The following TIAM2 variants were observed in gnomAD, a reference collection of about 807,000 sequenced individuals.
TIAM2 encodes TIAM Rac1 associated GEF 2.
In TIAM2, 80 loss-of-function variants were observed where a neutral mutation model predicts 152.9. That is an observed-to-expected ratio of 0.52 (90% CI 0.44 to 0.63). The LOEUF is 0.63. Ranked by LOEUF, TIAM2 falls within the 30% of genes least tolerant of loss-of-function variation. The pLI, the probability that TIAM2 is intolerant of heterozygous loss-of-function variation, is 0.00. For synonymous variants in TIAM2, 804 were observed against 838.0 expected (o/e 0.96, Z 0.70); for missense variants, 1,965 against 2,120.1 (o/e 0.93, Z 1.44).
chr6:155,232,087 A>C (rs1359299248), intron 15 of TIAM2, among the ~76,000 whole-genome samples: 1 of 129,950 alleles, frequency 7.7e-6, no homozygotes, highest in Non-Finnish European at 1.6e-5. Context: ...TCTCAAAAAC[A>C]AAAACAAAAA....
intron 1 of TIAM2, among the ~76,000 whole-genome samples, chr6:155,053,054 A>T (rs537338026): frequency 1.3e-5 from 2 of 152,304 alleles, no homozygotes; most frequent in East Asian, 1.9e-4. Flanking sequence ...CTAGTATTGC[A>T]GATTCATTCC....
chr6:155,114,014 T>TTTTATATA (rs1778928901), intron 2 of TIAM2, among the ~76,000 whole-genome samples: 1 of 58,852 alleles, frequency 1.7e-5, no homozygotes, highest in Non-Finnish European at 3.0e-5. Flanking sequence ...ATACTTTACT[T>TTTTATATA]TATATATATA....
intron 1 of TIAM2, among the ~76,000 whole-genome samples, chr6:155,081,042 C>T (rs1317818803): frequency 6.6e-6 from 1 of 152,132 alleles, no homozygotes; most frequent in Non-Finnish European, 1.5e-5. Flanking sequence ...GGGGGCCAGT[C>T]AGGAAATATT....
chr6:155,113,861 G>C (rs962550438), intron 2 of TIAM2, among the ~76,000 whole-genome samples: 2 of 151,684 alleles, frequency 1.3e-5, no homozygotes, highest in Admixed American at 1.3e-4. Context: ...GTCTAGCAAA[G>C]AGTTGTTATT....
At chr6:155,068,997 C>T (rs911950615) in intron 1 of TIAM2, among the ~76,000 whole-genome samples, 9 of 152,186 alleles carry the variant, frequency 5.9e-5, no homozygotes, top group African/African-American at 1.9e-4. Context: ...CAGCTCACTG[C>T]AGCCTTGACC....
chr6:155,159,452 A>AGG (rs1780208202), intron 7 of TIAM2, among the ~76,000 whole-genome samples: 1 of 152,196 alleles, frequency 6.6e-6, no homozygotes, highest in Non-Finnish European at 1.5e-5. Context: ...TTCACATCAG[A>AGG]ATCGGCTTTG....
At chr6:155,205,563 T>TC (rs900092643) in intron 14 of TIAM2, among the ~76,000 whole-genome samples, 2 of 152,180 alleles carry the variant, frequency 1.3e-5, no homozygotes, top group African/African-American at 4.8e-5. Flanking sequence ...CAAAGAACTT[T>TC]CTTGCCTAGT....
In TIAM2 at chr6:155,256,994, ACAGT is replaced by A. The variant is rs751743104; in HGVS notation, c.4985_4988del (p.Gln1662LeufsTer8). ...GCGCAGATCCGTCACCAGTCCCTTG[ACAGT>A]CAGTCTGAAAATGCCACCATCGACC... On this transcript the variant is annotated frameshift_variant, in exon 27 of 27. Transcript: ENST00000682666. LOFTEE classifies it high-confidence loss of function. 4.3e-6 allele frequency: 7 copies of A among 1,614,104 alleles called. No individual in the cohort carries two copies. Among genetic ancestry groups the A allele is most frequent in the African/African-American group, 2.7e-5 (2 of 74,928 alleles).
chr6:155,240,733 G>T (rs1398223574), intron 16 of TIAM2, 24 bp downstream of exon 16: 7 of 1,595,872 alleles, frequency 4.4e-6, no homozygotes, highest in Middle Eastern at 3.3e-4. Flanking sequence ...TGGCATTTAT[G>T]CATTCGTGCC....
intron 14 of TIAM2, among the ~76,000 whole-genome samples, chr6:155,191,006 G>A (rs1490894196): frequency 1.3e-5 from 2 of 152,190 alleles, no homozygotes; most frequent in African/African-American, 2.4e-5. Context: ...CATTGGGAAG[G>A]ACCAAGTATG....
At position 155,072,794 on chromosome 6, in the gene TIAM2, G is replaced by A. The variant is rs80233108; in HGVS notation, c.-208-17495G>A. ...ACAAATGCTGGCCAGCCCAGGAGGT[G>A]GGCACAGAGGGAGGAGTTCAGGAAG... On this transcript the variant is annotated intron_variant, in intron 1 of 26. Transcript: ENST00000682666. 3.2e-3 allele frequency among the ~76,000 whole-genome samples: 492 copies of A among 152,206 alleles called. 2 individuals carry two copies. Among genetic ancestry groups the A allele is most frequent in the African/African-American group, 0.011 (464 of 41,536 alleles).
At chr6:155,227,316 C>T (rs1449635661) in intron 15 of TIAM2, among the ~76,000 whole-genome samples, 4 of 152,212 alleles carry the variant, frequency 2.6e-5, no homozygotes, top group Non-Finnish European at 4.4e-5. Flanking sequence ...TCTGCGGAGA[C>T]TTAGCCCATG....
intron 2 of TIAM2, among the ~76,000 whole-genome samples, chr6:155,097,701 T>G (rs1778448184): frequency 6.6e-6 from 1 of 152,214 alleles, no homozygotes; most frequent in African/African-American, 2.4e-5. Context: ...ATGCCTGTGC[T>G]TTTGAGGTCT....
At chr6:155,185,634 A>G (rs1392556468) in intron 14 of TIAM2, among the ~76,000 whole-genome samples, 2 of 152,010 alleles carry the variant, frequency 1.3e-5, no homozygotes, top group African/African-American at 2.4e-5. Context: ...CTAATCCTTT[A>G]CAACCAATGT....
chr6:155,017,806 C>T (rs1778623155), intron 1 of TIAM2, among the ~76,000 whole-genome samples: 1 of 152,134 alleles, frequency 6.6e-6, no homozygotes, highest in Non-Finnish European at 1.5e-5. Context: ...CCTGACTCTC[C>T]CTTTTGTCTT....
chr6:155,191,060 T>C (rs1156915420), intron 14 of TIAM2, among the ~76,000 whole-genome samples: 1 of 152,350 alleles, frequency 6.6e-6, no homozygotes. Flanking sequence ...AACTGTATTG[T>C]GACACTATCT....
At chr6:155,180,506 CTAA>C (rs550019418) in intron 12 of TIAM2, among the ~76,000 whole-genome samples, 89 of 152,230 alleles carry the variant, frequency 5.8e-4, no homozygotes, top group Non-Finnish European at 1.1e-3. Context: ...ATGATTCAAA[CTAA>C]TAATAAAGTT....
intron 1 of TIAM2, among the ~76,000 whole-genome samples, chr6:155,025,063 G>A (rs537823398): frequency 6.6e-6 from 1 of 152,272 alleles, no homozygotes; most frequent in Non-Finnish European, 1.5e-5. Context: ...GTCTGGCTCT[G>A]TCACCCAGGC....
chr6:155,127,402 A>C (rs374506519), intron 2 of TIAM2, 88 bp from the exon 3 acceptor site: 1 of 355,328 alleles, frequency 2.8e-6, no homozygotes. Flanking sequence ...TTGTTTCTTC[A>C]TATAATTTGC....
Sources: allele counts gnomAD v4.1 joint callset (sites outside exome capture counted in the v4.1 genomes callset), GRCh38; gene constraint gnomAD v4.1.1; transcripts MANE v1.5; gene names NCBI Gene and HGNC (gene_info 2026-07-23, HGNC 2026-07-21).